The following SRR variants were observed in gnomAD, a reference collection of about 807,000 sequenced individuals.
SRR encodes the protein serine racemase.
SRR carries 19 observed loss-of-function variants against 32.7 expected under a neutral mutation model. That is an observed-to-expected ratio of 0.58 (90% CI 0.40 to 0.85). SRR has a LOEUF of 0.85. Ranked by LOEUF, SRR falls within the 40% of genes least tolerant of loss-of-function variation. SRR has a pLI of 0.00. For synonymous variants in SRR, 142 were observed against 140.9 expected, an observed-to-expected ratio of 1.01 and a Z score of -0.06; for missense variants, 373 against 404.7, an observed-to-expected ratio of 0.92 and a Z score of 0.67.
chr17:2,305,010 G>T (rs373603366), intron 1 of SRR, among the ~76,000 whole-genome samples: 68 of 152,238 alleles, frequency 4.5e-4, no homozygotes, highest in South Asian at 1.7e-3. Flanking sequence ...TCACAGAATA[G>T]TTACCAATTA....
intron 1 of SRR, chr17:2,307,449 C>T (rs1226988175): frequency 2.2e-5 from 32 of 1,425,344 alleles, no homozygotes; most frequent in Non-Finnish European, 9.8e-7. Flanking sequence ...GCTTTGGTGG[C>T]AGCTGTGGTG....
At chr17:2,317,786 A>T in intron 2 of SRR, 84 bp from the exon 3 acceptor site, 1 of 1,430,274 alleles carries the variant, frequency 7.0e-7, no homozygotes. Context: ...TGTGCATGTT[A>T]AGGATAGAAA....
rs1188278393 is a variant in SRR, at chr17:2,306,866, A to G, written c.-5+2849A>G. Reference sequence around the variant, plus strand: ...GAGAGCCTGAGGAGCCATTCTGAGCAATGGGGAACACTCGCGGACTGTGTG... The same window carrying G: ...GAGAGCCTGAGGAGCCATTCTGAGCGATGGGGAACACTCGCGGACTGTGTG... On this transcript the variant is annotated intron_variant, in intron 1 of 7. Transcript: ENST00000344595. The G allele has an allele frequency of 5.8e-6, 5 of 868,386 alleles. No individual in the cohort carries two copies. The African/African-American group carries it at 8.2e-5, about 14-fold the overall frequency. The allele number at this position is 868,386 out of a possible 1,614,324, so 53.8% of individuals were successfully genotyped here.
In SRR at chr17:2,324,967, A is replaced by T. The variant is rs1016503473; in HGVS notation, c.*1094A>T. On this transcript the variant is annotated 3_prime_UTR_variant, in exon 8 of 8. Coordinates refer to ENST00000344595, the MANE Select transcript of SRR (RefSeq NM_021947.3). ...GCCCAATCTGAGGCTAAGATTGGTA[A>T]ACTGTAAGCCCACACTTAACCTTGT... 10 of 944,628 alleles carry T rather than the reference A, an allele frequency of 1.1e-5. No homozygotes were observed. In the African/African-American group the frequency reaches 1.7e-4, roughly 16 times the overall value. The allele number at this position is 944,628 out of a possible 1,614,324, so 58.5% of individuals were successfully genotyped here.
At position 2,324,646 on chromosome 17, in the gene SRR, A is replaced by G. The variant is rs371281134; in HGVS notation, c.*773A>G. 39 of 1,613,848 alleles carry G rather than the reference A, an allele frequency of 2.4e-5. No homozygotes were observed. The East Asian group carries it at 3.8e-4, about 16-fold the overall frequency. ...CACAAAATGTAAACCCAACCTTTATACCACAAAGGCAATCAGATCCCATCC... is the reference window on the plus strand; with the variant it reads ...CACAAAATGTAAACCCAACCTTTATGCCACAAAGGCAATCAGATCCCATCC... On this transcript the variant is annotated 3_prime_UTR_variant, in exon 8 of 8. Coordinates refer to ENST00000344595, the MANE Select transcript of SRR (RefSeq NM_021947.3).
At chr17:2,313,599 G>C (rs985684259) in intron 1 of SRR, among the ~76,000 whole-genome samples, 4 of 151,888 alleles carry the variant, frequency 2.6e-5, no homozygotes, top group Non-Finnish European at 5.9e-5. Context: ...AGCTGGGTGT[G>C]GTGGTGGGCG....
rs749101249 is a variant in SRR, at chr17:2,306,990, C to T, written c.-5+2973C>T. On this transcript the variant is annotated intron_variant, in intron 1 of 7. Coordinates refer to ENST00000344595, the MANE Select transcript of SRR (RefSeq NM_021947.3). ...ATGCAGCCACGAATGCAAGGCCACA[C>T]AAGGTGGATGGAAGAGTTGTGGAAC... The T allele has an allele frequency of 1.4e-5, 19 of 1,384,094 alleles. No homozygotes were observed. In the South Asian group the frequency reaches 1.6e-4, roughly 12 times the overall value. 85.7% of individuals were successfully genotyped at this position (1,384,094 alleles called of 1,614,324 possible).
At chr17:2,323,570 C>A (rs920724249) in intron 7 of SRR, 85 bp from the exon 8 acceptor site, 2 of 1,407,672 alleles carry the variant, frequency 1.4e-6, no homozygotes, top group Admixed American at 1.8e-5. Context: ...AAAATTCAAA[C>A]TGGACACGTA....
In SRR at chr17:2,323,248, T is replaced by C. The variant is rs373333825; in HGVS notation, c.707T>C (p.Ile236Thr). ...LMPNLYPPET[I>T]ADGVKSSIGL... ...CCCAATCTTTATCCTCCAGAAACCA[T>C]AGCAGATGGTGTCAAATCCAGCATT... The change falls in exon 7 of 8, where the codon ATA becomes ACA. Residue 236 changes from isoleucine (I) to threonine (T), a missense_variant. Transcript: ENST00000344595. 22 of 1,614,214 alleles carry C rather than the reference T, an allele frequency of 1.4e-5. No individual in the cohort carries two copies. Among genetic ancestry groups the C allele is most frequent in the East Asian group, 4.5e-5 (2 of 44,878 alleles).
chr17:2,317,247 C>G (rs1228769137), intron 2 of SRR, among the ~76,000 whole-genome samples: 1 of 137,220 alleles, frequency 7.3e-6, no homozygotes, highest in African/African-American at 2.7e-5. Context: ...TGCGGTGGCT[C>G]ACGCCTGTAA....
intron 1 of SRR, among the ~76,000 whole-genome samples, chr17:2,311,769 A>G (rs1308121635): frequency 6.6e-6 from 1 of 152,246 alleles, no homozygotes; most frequent in African/African-American, 2.4e-5. Flanking sequence ...AGAGCAATCA[A>G]GGGAGAATTT....
intron 4 of SRR, among the ~76,000 whole-genome samples, chr17:2,320,308 T>G (rs1217882919): frequency 7.5e-6 from 1 of 133,072 alleles, no homozygotes; most frequent in Non-Finnish European, 1.5e-5. Context: ...CAGGCTGGAG[T>G]GCAGCGGCAC....
chr17:2,323,539 G>T (rs1483559803), intron 7 of SRR, 116 bp from the exon 8 acceptor site: 1 of 1,213,904 alleles, frequency 8.2e-7, no homozygotes, highest in Non-Finnish European at 1.2e-6. Flanking sequence ...GCTTTGGGAA[G>T]CGTGTGTACA....
At chr17:2,312,615 A>G (rs781190315) in intron 1 of SRR, among the ~76,000 whole-genome samples, 25 of 152,124 alleles carry the variant, frequency 1.6e-4, no homozygotes, top group Admixed American at 7.2e-4. Flanking sequence ...CAACTACTAG[A>G]CATAACTAAA....
At chr17:2,320,251 CTTTTT>C (rs35025479) in intron 4 of SRR, among the ~76,000 whole-genome samples, 61 of 76,740 alleles carry the variant, frequency 7.9e-4, no homozygotes, top group Non-Finnish European at 1.2e-3. Context: ...CATCTCTCAT[CTTTTT>C]TTTTTTTTTT....
chr17:2,308,661 A>G (rs148566181), intron 1 of SRR, among the ~76,000 whole-genome samples: 1 of 152,072 alleles, frequency 6.6e-6, no homozygotes, highest in Admixed American at 6.6e-5. Flanking sequence ...GATCAAGACT[A>G]TCCTGGCCAA....
rs550241732 is a variant in SRR, at chr17:2,324,451, T to G, written c.*578T>G. 1.9e-6 allele frequency: 3 copies of G among 1,613,202 alleles called. No homozygotes were observed. Among genetic ancestry groups the G allele is most frequent in the East Asian group, 4.5e-5 (2 of 44,876 alleles). On this transcript the variant is annotated 3_prime_UTR_variant, in exon 8 of 8. Transcript: ENST00000344595. ...GCAATGACTTCCAACCCAACAGTCA[T>G]TTAGCAACACTGCAGAAATGCAGAC...
intron 1 of SRR, among the ~76,000 whole-genome samples, chr17:2,313,595 G>A (rs868733524): frequency 3.3e-5 from 5 of 151,976 alleles, no homozygotes; most frequent in South Asian, 2.1e-4. Context: ...AATTAGCTGG[G>A]TGTGGTGGTG....
At chr17:2,310,988 T>G (rs1380935275) in intron 1 of SRR, among the ~76,000 whole-genome samples, 1 of 151,412 alleles carries the variant, frequency 6.6e-6, no homozygotes, top group East Asian at 2.0e-4. Flanking sequence ...CCTTGTGATC[T>G]TCCCACCTCA....
Sources: gnomAD v4.1 joint callset for allele counts (sites outside exome capture counted in the v4.1 genomes callset) on GRCh38, gnomAD v4.1.1 for gene constraint, MANE v1.5 for transcripts, NCBI Gene and HGNC (gene_info 2026-07-23, HGNC 2026-07-21) for gene names.